The following TRPM1 variants were observed in gnomAD, a reference collection of about 807,000 sequenced individuals.
TRPM1 encodes transient receptor potential cation channel subfamily M member 1.
TRPM1 carries 113 observed loss-of-function variants against 149.4 expected under a neutral mutation model. The observed-to-expected ratio is 0.76, with a 90% CI of 0.65 to 0.88. TRPM1 has a LOEUF of 0.88. Among genes scored for constraint, TRPM1 ranks in the 40% least tolerant of loss-of-function variants. The pLI is 0.00. For synonymous variants in TRPM1, 741 were observed against 759.5 expected (o/e 0.98, Z 0.40); for missense variants, 1,976 against 2,038.7 (o/e 0.97, Z 0.59).
chr15:31,136,791 G>A (rs2036095024), intron 1 of TRPM1, among the ~76,000 whole-genome samples: 1 of 142,950 alleles, frequency 7.0e-6, no homozygotes, highest in African/African-American at 2.6e-5. Flanking sequence ...CCTCTGCTCA[G>A]CTCATTGGAA....
At chr15:31,081,491 TG>T in intron 1 of TRPM1, 53 bp from the exon 2 acceptor site, 1 of 1,214,270 alleles carries the variant, frequency 8.2e-7, no homozygotes, top group Non-Finnish European at 1.2e-6. Context: ...GCCTCTTTCT[TG>T]GGAAGCAAGA....
chr15:31,078,389 G>A (rs1377946734), intron 2 of TRPM1, among the ~76,000 whole-genome samples: 4 of 152,176 alleles, frequency 2.6e-5, no homozygotes, highest in Non-Finnish European at 5.9e-5. Flanking sequence ...GGACTAGGGC[G>A]TGCAAGTACC....
chr15:31,024,384 C>T (rs1325867992), intron 27 of TRPM1, among the ~76,000 whole-genome samples: 1 of 152,152 alleles, frequency 6.6e-6, no homozygotes, highest in Non-Finnish European at 1.5e-5. Flanking sequence ...AGGAAAACTC[C>T]CTTCTCCTCA....
At chr15:31,078,303 A>C (rs2034764952) in intron 2 of TRPM1, among the ~76,000 whole-genome samples, 1 of 152,098 alleles carries the variant, frequency 6.6e-6, no homozygotes, top group Non-Finnish European at 1.5e-5. Context: ...CATGTCAGAG[A>C]GGCCCTCCGC....
At chr15:31,037,895 A>C in intron 19 of TRPM1, 53 bp from the exon 20 acceptor site, 1 of 1,613,742 alleles carries the variant, frequency 6.2e-7, no homozygotes, top group South Asian at 1.1e-5. Context: ...GGGAAATGCA[A>C]GGCACTCCGG....
At chr15:31,072,018 T>TATATATATAGAG (rs1400392427) in intron 3 of TRPM1, among the ~76,000 whole-genome samples, 3 of 36,910 alleles carry the variant, frequency 8.1e-5, no homozygotes, top group African/African-American at 3.3e-4. Context: ...TATATATATA[T>TATATATATAGAG]AGAGAGAGAG....
rs1049961072 is a variant in TRPM1, at chr15:31,027,057, C to G, written c.3354G>C (p.Gln1118His). 1.2e-6 allele frequency: 2 copies of G among 1,614,100 alleles called. No individual in the cohort carries two copies. Among genetic ancestry groups the G allele is most frequent in the Non-Finnish European group, 8.5e-7 (1 of 1,180,056 alleles). ...SNQVWKFQRY[Q>H]LIMTFHDRPV... Reference sequence around the variant, plus strand: ...GCCTGTCATGAAATGTCATAATCAGCTGATATCGCTGGAACTTCCACACCT... The same window carrying G: ...GCCTGTCATGAAATGTCATAATCAGGTGATATCGCTGGAACTTCCACACCT... Residue 1118 changes from glutamine (Q) to histidine (H), a missense_variant, in exon 26 of 28, where the codon CAG becomes CAC. This residue lies in a region of TRPM1 where 72 missense variants were observed against 112.7 expected (regional missense o/e 0.64). Transcript: ENST00000256552.
chr15:31,112,748 C>T (rs1407171348), intron 1 of TRPM1, among the ~76,000 whole-genome samples: 2 of 152,124 alleles, frequency 1.3e-5, no homozygotes, highest in Non-Finnish European at 2.9e-5. Flanking sequence ...AAAGATTCCA[C>T]GTGAACTAAA....
chr15:31,036,580 G>A (rs1370478144), intron 20 of TRPM1, among the ~76,000 whole-genome samples: 2 of 152,160 alleles, frequency 1.3e-5, no homozygotes, highest in South Asian at 2.1e-4. Context: ...TAATCCCTGC[G>A]AAGCTGCACA....
chr15:31,107,847 A>T (rs933890929), intron 1 of TRPM1, among the ~76,000 whole-genome samples: 3 of 151,006 alleles, frequency 2.0e-5, no homozygotes, highest in African/African-American at 7.4e-5. Flanking sequence ...TTGAATTTGT[A>T]AATTTCTTTT....
intron 18 of TRPM1, among the ~76,000 whole-genome samples, chr15:31,039,617 A>G (rs528621498): frequency 2.0e-5 from 3 of 152,228 alleles, no homozygotes; most frequent in African/African-American, 7.2e-5. Context: ...TTTTTCCCCC[A>G]CTATATCTTT....
In TRPM1 at chr15:31,081,345, G is replaced by T; in HGVS notation, c.3+8C>A. ...GGGAAGGTGGAAGTGCTTTACTTAG[G>T]TATTAACCATGAGTTTTCAAAAAGT... On this transcript the variant is annotated splice_region_variant and intron_variant, in intron 2 of 27. Coordinates refer to ENST00000256552, the MANE Select transcript of TRPM1 (RefSeq NM_001252024.2). 6.7e-7 allele frequency: 1 copy of T among 1,503,742 alleles called. No homozygotes were observed. Among genetic ancestry groups the T allele is most frequent in the Non-Finnish European group, 8.9e-7 (1 of 1,118,434 alleles). 93.1% of individuals were successfully genotyped at this position (1,503,742 alleles called of 1,614,324 possible). A position where few individuals can be genotyped will look rare whatever the true frequency, so the allele number is the denominator to read the frequency against.
At chr15:31,131,276 C>A (rs945368730) in intron 1 of TRPM1, among the ~76,000 whole-genome samples, 1 of 152,036 alleles carries the variant, frequency 6.6e-6, no homozygotes, top group Non-Finnish European at 1.5e-5. Context: ...AGCCCCAACG[C>A]GCAAAAGTAG....
At chr15:31,091,924 C>T (rs952105972) in intron 1 of TRPM1, among the ~76,000 whole-genome samples, 9 of 152,228 alleles carry the variant, frequency 5.9e-5, no homozygotes, top group African/African-American at 2.2e-4. Context: ...AAAAGCCCAG[C>T]ATGCATGTGG....
intron 1 of TRPM1, among the ~76,000 whole-genome samples, chr15:31,135,008 A>G (rs922223612): frequency 2.0e-5 from 3 of 152,178 alleles, no homozygotes; most frequent in Admixed American, 6.5e-5. Context: ...CAAAAGGAAA[A>G]AAAAAAGAGA....
intron 1 of TRPM1, among the ~76,000 whole-genome samples, chr15:31,082,241 T>C (rs2034880500): frequency 6.6e-6 from 1 of 152,020 alleles, no homozygotes. Context: ...CCATCAGAAA[T>C]GGTTATTTTG....
At chr15:31,106,737 CAA>C in intron 1 of TRPM1, among the ~76,000 whole-genome samples, 1 of 152,290 alleles carries the variant, frequency 6.6e-6, no homozygotes, top group Non-Finnish European at 1.5e-5. Flanking sequence ...AGCACAGCAA[CAA>C]AAAGTCTTGC....
chr15:31,043,890 T>C (rs2033690888), intron 16 of TRPM1, among the ~76,000 whole-genome samples: 1 of 151,946 alleles, frequency 6.6e-6, no homozygotes, highest in Admixed American at 6.6e-5. Context: ...CAAAGGCCTG[T>C]CACAAATCAA....
chr15:31,024,400 T>C (rs1055761840), intron 27 of TRPM1, among the ~76,000 whole-genome samples: 2 of 152,168 alleles, frequency 1.3e-5, no homozygotes, highest in Admixed American at 6.5e-5. Context: ...CCTCAAGCCT[T>C]CTCCTCTTTC....
Sources: gnomAD v4.1 joint callset for allele counts (sites outside exome capture counted in the v4.1 genomes callset) on GRCh38, gnomAD v4.1.1 for gene constraint, gnomAD v4.1.1 regional missense constraint, MANE v1.5 for transcripts, NCBI Gene and HGNC (gene_info 2026-07-23, HGNC 2026-07-21) for gene names.